The following ATP11C variants were observed in gnomAD, a reference collection of about 807,000 sequenced individuals.
ATP11C encodes phospholipid-transporting ATPase IG.
In ATP11C, 36 loss-of-function variants were observed where a neutral mutation model predicts 97.4. The ratio of observed to expected loss-of-function variants is 0.37; its 90% CI spans 0.28 to 0.49. ATP11C has a LOEUF of 0.49. Among genes scored for constraint, ATP11C ranks in the 20% least tolerant of loss-of-function variants. ATP11C has a pLI of 0.98. For synonymous variants in ATP11C, 275 were observed against 290.9 expected, an observed-to-expected ratio of 0.95 and a Z score of 0.56; for missense variants, 730 against 824.6, an observed-to-expected ratio of 0.89 and a Z score of 1.40.
At position 139,750,861 on chromosome X, in the gene ATP11C, A is replaced by G. The variant is rs73243375; in HGVS notation, c.2701-709T>C. On this transcript the variant is annotated intron_variant, in intron 23 of 29. Transcript: ENST00000682941. Reference sequence around the variant, plus strand: ...ATAACATTTATAAAGGCCTGCTCTGATATTATAAATCTTCCTTTATTGAAA... The same window carrying G: ...ATAACATTTATAAAGGCCTGCTCTGGTATTATAAATCTTCCTTTATTGAAA... Among the ~76,000 whole-genome samples, 973 of 111,769 alleles carry G rather than the reference A, an allele frequency of 8.7e-3. 7 individuals are homozygous for G. The highest frequency in any genetic ancestry group is 0.023 in the Middle Eastern group (5 of 217).
chrX:139,777,931 T>C (rs1018994932), intron 18 of ATP11C, among the ~76,000 whole-genome samples: 3 of 109,719 alleles, frequency 2.7e-5, no homozygotes, highest in Non-Finnish European at 5.7e-5. Flanking sequence ...GGTGCAGTCA[T>C]GGCTCACTGT....
intron 1 of ATP11C, among the ~76,000 whole-genome samples, chrX:139,873,651 G>A (rs756979981): frequency 1.1e-5 from 1 of 94,190 alleles, no homozygotes; most frequent in Non-Finnish European, 2.0e-5. Flanking sequence ...AGGCTGCAGC[G>A]AGCCAAGATC....
chrX:139,729,059 G>T, intron 29 of ATP11C, 97 bp from the exon 30 acceptor site: 1 of 661,602 alleles, frequency 1.5e-6, no homozygotes, highest in Non-Finnish European at 2.3e-6. Context: ...ATTTTGTTAT[G>T]AGAGTAAAGC....
chrX:139,784,985 T>C (rs2082543329), intron 16 of ATP11C, among the ~76,000 whole-genome samples: 1 of 111,951 alleles, frequency 8.9e-6, no homozygotes, highest in South Asian at 3.8e-4. Context: ...CAGAGGGATA[T>C]GGTTCTGCTA....
chrX:139,801,910 G>A (rs1172400938), intron 7 of ATP11C, among the ~76,000 whole-genome samples: 3 of 111,806 alleles, frequency 2.7e-5, no homozygotes, highest in African/African-American at 9.7e-5. Flanking sequence ...AAAAGGATTT[G>A]TTTTTTATTT....
At chrX:139,936,646 G>C (rs977327079), upstream of ATP11C, among the ~76,000 whole-genome samples, 3 of 111,335 alleles carry the variant, frequency 2.7e-5, no homozygotes, top group Admixed American at 2.9e-4. Flanking sequence ...TTTCAGTTCT[G>C]TTGCACCATT....
chrX:139,915,109 T>A (rs2148147392), intron 1 of ATP11C, among the ~76,000 whole-genome samples: 1 of 111,246 alleles, frequency 9.0e-6, no homozygotes, highest in African/African-American at 3.3e-5. Context: ...AAAACACAAA[T>A]GCCTACACCT....
intron 1 of ATP11C, among the ~76,000 whole-genome samples, chrX:139,891,040 G>A (rs1233886435): frequency 9.0e-6 from 1 of 110,509 alleles, no homozygotes; most frequent in Non-Finnish European, 1.9e-5. Context: ...GGAGAAGTAG[G>A]CATGAATCAG....
rs756037159 is a variant in ATP11C, at chrX:139,766,623, T to TGC, written c.2391+1635_2391+1636dup. On this transcript the variant is annotated intron_variant, in intron 20 of 29. Coordinates refer to ENST00000682941, the MANE Select transcript of ATP11C (RefSeq NM_001353812.2). ...GTGTGCATATGTGTGCGTGTGTGTG[T>TGC]GCGCGCGCACAGTATATAAAAGAAA... Among the ~76,000 whole-genome samples the TGC allele has an allele frequency of 8.1e-5, 9 of 111,392 alleles. 1 individual carries two copies. The East Asian group carries it at 2.3e-3, about 28-fold the overall frequency.
At chrX:139,811,991 A>G (rs761053616) in intron 5 of ATP11C, among the ~76,000 whole-genome samples, 12 of 111,488 alleles carry the variant, frequency 1.1e-4, no homozygotes, top group Non-Finnish European at 1.5e-4. Flanking sequence ...TGCCTAAGCT[A>G]TATCTCTCTG....
At chrX:139,860,645 C>A (rs1471584114) in intron 1 of ATP11C, among the ~76,000 whole-genome samples, 1 of 110,939 alleles carries the variant, frequency 9.0e-6, no homozygotes. Flanking sequence ...TGGTGAAACC[C>A]CATCTCTACT....
chrX:139,830,498 G>A (rs757265211), intron 1 of ATP11C, among the ~76,000 whole-genome samples: 1 of 111,735 alleles, frequency 8.9e-6, no homozygotes, highest in East Asian at 2.8e-4. Context: ...TTTTGCATGT[G>A]GTTATCTCCC....
intron 23 of ATP11C, among the ~76,000 whole-genome samples, chrX:139,753,766 G>A (rs887131069): frequency 7.2e-5 from 8 of 110,675 alleles, no homozygotes; most frequent in African/African-American, 2.3e-4. Context: ...CCGAAATCAC[G>A]CCACTGCATT....
intron 1 of ATP11C, among the ~76,000 whole-genome samples, chrX:139,851,376 T>C (rs977193812): frequency 8.9e-6 from 1 of 112,045 alleles, no homozygotes; most frequent in Non-Finnish European, 1.9e-5. Flanking sequence ...TGTGGGGGCA[T>C]AGCTAACTCT....
intron 1 of ATP11C, among the ~76,000 whole-genome samples, chrX:139,845,732 T>C (rs1052371332): frequency 8.9e-6 from 1 of 112,314 alleles, no homozygotes; most frequent in Non-Finnish European, 1.9e-5. Flanking sequence ...CCCAAAGCTT[T>C]CCCAAACTAC....
In ATP11C at chrX:139,774,892, C is replaced by T. The variant is rs1427074505; in HGVS notation, c.2014G>A (p.Val672Met). The T allele has an allele frequency of 8.3e-7, 1 of 1,211,669 alleles. No homozygotes were observed. Among genetic ancestry groups the T allele is most frequent in the Non-Finnish European group, 1.1e-6 (1 of 895,394 alleles). The change falls in exon 19 of 30, where the codon GTG (valine) becomes ATG (methionine). Residue 672 changes from valine (V) to methionine (M), a missense_variant. By Grantham distance (21) the Val-to-Met change is conservative. Coordinates refer to ENST00000682941, the MANE Select transcript of ATP11C (RefSeq NM_001353812.2). ...GTCTCCATCTTGTCCCCAGTGAGCACCCAGACTTTCAGGCCTGCTGCATGC... is the reference window on the plus strand; with the variant it reads ...GTCTCCATCTTGTCCCCAGTGAGCATCCAGACTTTCAGGCCTGCTGCATGC... ...ALHAAGLKVWVLTGDKMETAK... is the reference protein window; with the variant it reads ...ALHAAGLKVWMLTGDKMETAK...
At chrX:139,853,010 G>T (rs1431011383) in intron 1 of ATP11C, among the ~76,000 whole-genome samples, 1 of 111,394 alleles carries the variant, frequency 9.0e-6, no homozygotes, top group Admixed American at 9.5e-5. Flanking sequence ...TGGTGTGAGG[G>T]GTTGAGCCTT....
chrX:139,787,855 T>C (rs1012566759), intron 14 of ATP11C, among the ~76,000 whole-genome samples: 1 of 112,328 alleles, frequency 8.9e-6, no homozygotes, highest in Admixed American at 9.4e-5. Flanking sequence ...TCTCAAATGA[T>C]GTCAAAATTG....
At chrX:139,918,033 T>C (rs1286910464) in intron 1 of ATP11C, among the ~76,000 whole-genome samples, 1 of 100,888 alleles carries the variant, frequency 9.9e-6, no homozygotes, top group Non-Finnish European at 2.0e-5. Context: ...ATGGAGAAAC[T>C]AGAACCCTTA....
Sources: gnomAD v4.1 joint callset for allele counts (sites outside exome capture counted in the v4.1 genomes callset) on GRCh38, gnomAD v4.1.1 for gene constraint, MANE v1.5 for transcripts, NCBI Gene and HGNC (gene_info 2026-07-23, HGNC 2026-07-21) for gene names.